The following RB1 variants were observed in gnomAD, a reference collection of about 807,000 sequenced individuals.
The protein encoded by RB1 is RB transcriptional corepressor 1.
RB1 carries 18 observed loss-of-function variants against 135.4 expected under a neutral mutation model. The ratio of observed to expected loss-of-function variants is 0.13; its 90% confidence interval spans 0.09 to 0.20. The LOEUF is 0.20. Ranked by LOEUF, RB1 falls within the 10% of genes least tolerant of loss-of-function variation. RB1 has a pLI of 1.00. For missense variants in RB1, 868 were observed against 1,110.0 expected (o/e 0.78, Z 3.10); for synonymous variants, 365 against 373.2 (o/e 0.98, Z 0.25).
At chr13:48,361,802 G>A (rs1442984451) in intron 7 of RB1, among the ~76,000 whole-genome samples, 1 of 151,688 alleles carries the variant, frequency 6.6e-6, no homozygotes, top group Admixed American at 6.6e-5. Context: ...TAATCAGATT[G>A]TCTTGAGTTT....
rs1293889611 is a variant in RB1 at position 48,452,933 on chromosome 13, T to G, written c.1696-60T>G. On this transcript the variant is annotated intron_variant, in intron 17 of 26. Coordinates refer to ENST00000267163, the MANE Select transcript of RB1 (RefSeq NM_000321.3). ...ACCATGTCAAACAATATGATTTTGATATGTACCTGGGAAAATTATGCTTAC... is the reference window on the plus strand; with the variant it reads ...ACCATGTCAAACAATATGATTTTGAGATGTACCTGGGAAAATTATGCTTAC... 2.5e-6 allele frequency: 4 copies of G among 1,601,692 alleles called. No individual in the cohort carries two copies. The African/African-American group carries it at 5.3e-5, about 21-fold the overall frequency.
chr13:48,318,856 T>G (rs2804094), intron 2 of RB1: 964,013 of 1,054,802 alleles, frequency 0.91, 452,846 homozygotes, highest in Non-Finnish European at 0.97. Context: ...GACTATGCCT[T>G]GAGGGTCAAA....
intron 19 of RB1, 67 bp downstream of exon 19, chr13:48,456,416 T>C: frequency 6.3e-7 from 1 of 1,576,922 alleles, no homozygotes; most frequent in Non-Finnish European, 8.6e-7. Flanking sequence ...AAATCATGTT[T>C]CTTCTACTTT....
chr13:48,359,857 A>C (rs186963558), intron 6 of RB1, among the ~76,000 whole-genome samples, 160 bp from the exon 7 acceptor site: 16 of 151,044 alleles, frequency 1.1e-4, no homozygotes, highest in African/African-American at 3.9e-4. Context: ...CTTTTAAAAC[A>C]GATTTTTTTT....
chr13:48,405,035 G>T (rs962359310), intron 17 of RB1, among the ~76,000 whole-genome samples: 4 of 151,916 alleles, frequency 2.6e-5, no homozygotes, highest in African/African-American at 7.3e-5. Flanking sequence ...CTGCCCTTTT[G>T]AAATGAAATT....
At chr13:48,311,479 G>T (rs1266851196) in intron 2 of RB1, among the ~76,000 whole-genome samples, 1 of 152,152 alleles carries the variant, frequency 6.6e-6, no homozygotes, top group Non-Finnish European at 1.5e-5. Context: ...ATAGCATGTT[G>T]CTCCTAGTCT....
At chr13:48,307,219 T>C in intron 1 of RB1, 61 bp from the exon 2 acceptor site, 8 of 1,377,882 alleles carry the variant, frequency 5.8e-6, no homozygotes, top group Non-Finnish European at 7.2e-6. Flanking sequence ...GAAACAAGTA[T>C]GTACTGAATC....
Position 48,345,193 on chromosome 13 carries a change from T to C in RB1, c.494T>C (p.Leu165Ser). The change falls in exon 4 of 27, where the codon TTG becomes TCG. Residue 165 changes from leucine (L) to serine (S), a missense_variant. Leu to Ser is a moderately radical substitution (Grantham distance 145). Around this residue, in one of 3 missense-constraint regions of RB1, gnomAD observed 641 missense variants for 791.3 expected, o/e 0.81. Coordinates refer to ENST00000267163, the MANE Select transcript of RB1 (RefSeq NM_000321.3). ...YDVLFALFSK[L>S]ERTCELIYLT... ...GTATTGTTTGCACTCTTCAGCAAAT[T>C]GGAAAGGTAAAGTAAACATTTTATT... 1 of 1,612,066 alleles carries C rather than the reference T, an allele frequency of 6.2e-7. No homozygotes were observed. Among genetic ancestry groups the C allele is most frequent in the Non-Finnish European group, 8.5e-7 (1 of 1,179,396 alleles).
At position 48,345,096 on chromosome 13, in the gene RB1, A is replaced by C. The variant is rs3092900; in HGVS notation, c.397A>C (p.Asn133His). ...CCTTTGTAGTGTCCATAAATTCTTT[A>C]ACTTACTAAAAGAAATTGATACCAG... ...NIEISVHKFFNLLKEIDTSTK... is the reference protein window; with the variant it reads ...NIEISVHKFFHLLKEIDTSTK... Residue 133 changes from asparagine (N) to histidine (H), a missense_variant, in exon 4 of 27, where the codon AAC (asparagine) becomes CAC (histidine). Asn to His is a moderately conservative substitution (Grantham distance 68, BLOSUM62 1). This residue lies in a region of RB1 where 641 missense variants were observed against 791.3 expected (regional missense o/e 0.81). Coordinates refer to ENST00000267163, the MANE Select transcript of RB1 (RefSeq NM_000321.3). The C allele has an allele frequency of 3.1e-6, 5 of 1,611,754 alleles. No homozygotes were observed. The African/African-American group carries it at 6.7e-5, about 21-fold the overall frequency.
chr13:48,320,947 C>T (rs1462109311), intron 2 of RB1, among the ~76,000 whole-genome samples: 2 of 152,182 alleles, frequency 1.3e-5, no homozygotes, highest in Non-Finnish European at 2.9e-5. Context: ...GACGACGTTA[C>T]GCATAGATTT....
At chr13:48,387,171 T>C (rs974463190) in intron 17 of RB1, among the ~76,000 whole-genome samples, 1 of 152,206 alleles carries the variant, frequency 6.6e-6, no homozygotes, top group African/African-American at 2.4e-5. Flanking sequence ...TTCAGCTCTT[T>C]GCTGTTATGC....
At chr13:48,318,952 G>C (rs981154751) in intron 2 of RB1, 1 of 920,580 alleles carries the variant, frequency 1.1e-6, no homozygotes, top group African/African-American at 1.6e-5. Flanking sequence ...TCAGGGAGTA[G>C]AAGCGTGGGC....
At chr13:48,330,474 G>A (rs1952323187) in intron 2 of RB1, among the ~76,000 whole-genome samples, 1 of 152,054 alleles carries the variant, frequency 6.6e-6, no homozygotes, top group Admixed American at 6.5e-5. Flanking sequence ...GAATGAAAGA[G>A]GAGACATTAT....
At chr13:48,351,937 G>A (rs1952552453) in intron 6 of RB1, among the ~76,000 whole-genome samples, 1 of 152,078 alleles carries the variant, frequency 6.6e-6, no homozygotes, top group Non-Finnish European at 1.5e-5. Flanking sequence ...GCCTCCCAAA[G>A]TGCTGGGATT....
chr13:48,477,205 T>C (rs552674811), intron 25 of RB1, 150 bp from the exon 26 acceptor site: 1 of 648,888 alleles, frequency 1.5e-6, no homozygotes, highest in African/African-American at 1.8e-5. Context: ...CATTTATGTT[T>C]TAGATGGTTA....
intron 19 of RB1, 49 bp downstream of exon 19, chr13:48,456,398 C>T (rs1949360699): frequency 6.2e-7 from 1 of 1,601,928 alleles, no homozygotes; most frequent in Non-Finnish European, 8.5e-7. Flanking sequence ...ACTAGGCTGA[C>T]TGGGTTCAAA....
At position 48,465,611 on chromosome 13, in the gene RB1, G is replaced by A. The variant is rs560116986; in HGVS notation, c.2489+243G>A. On this transcript the variant is annotated intron_variant, in intron 23 of 26. Coordinates refer to ENST00000267163, the MANE Select transcript of RB1 (RefSeq NM_000321.3). Reference sequence around the variant, plus strand: ...TACAGCTCCCAGCGTGAGCGACGCAGAAGACGGGTGATTTCTGCATTTCCA... The same window carrying A: ...TACAGCTCCCAGCGTGAGCGACGCAAAAGACGGGTGATTTCTGCATTTCCA... Among the ~76,000 whole-genome samples the A allele has an allele frequency of 1.5e-3, 232 of 152,196 alleles. 1 individual carries two copies. In the Middle Eastern group the frequency reaches 0.02, roughly 13 times the overall value.
At chr13:48,348,435 T>C (rs1191076640) in intron 5 of RB1, among the ~76,000 whole-genome samples, 1 of 151,744 alleles carries the variant, frequency 6.6e-6, no homozygotes, top group African/African-American at 2.4e-5. Context: ...TTCCAACAAG[T>C]GAATGTCTCT....
At chr13:48,456,561 G>A (rs371606356) in intron 19 of RB1, among the ~76,000 whole-genome samples, 3 of 145,532 alleles carry the variant, frequency 2.1e-5, no homozygotes, top group East Asian at 2.4e-4. Context: ...CTCTGTGACC[G>A]GTGGCGCCCT....
Sources: allele counts gnomAD v4.1 joint callset (sites outside exome capture counted in the v4.1 genomes callset), GRCh38; gene constraint gnomAD v4.1.1; regional missense constraint gnomAD v4.1.1; transcripts MANE v1.5; gene names NCBI Gene and HGNC (gene_info 2026-07-23, HGNC 2026-07-21).